Variants in LRRTM3 observed in about 807,000 individuals in gnomAD.
LRRTM3 encodes leucine rich repeat transmembrane neuronal 3.
A neutral mutation model predicts 44.7 loss-of-function variants in LRRTM3; 24 were observed. That is an observed-to-expected ratio of 0.54 (90% CI 0.39 to 0.76). The LOEUF (loss-of-function observed/expected upper bound fraction) is 0.76, where lower values mean the gene tolerates loss of function less well. Among genes scored for constraint, LRRTM3 ranks in the 30% least tolerant of loss-of-function variants. The probability of loss-of-function intolerance (pLI) is 0.00; values close to 1 mark genes in which losing one functional copy is unlikely to be tolerated. For synonymous variants in LRRTM3, 277 were observed against 278.7 expected (o/e 0.99, Z 0.06); for missense variants, 587 against 702.2 (o/e 0.84, Z 1.85).
intron 2 of LRRTM3, among the ~76,000 whole-genome samples, chr10:66,950,072 T>C (rs974946038): frequency 1.3e-4 from 20 of 152,196 alleles, no homozygotes; most frequent in African/African-American, 4.8e-4. Context: ...AACCATGATT[T>C]ACCACTCTTT....
chr10:66,928,304 A>G lies in LRRTM3; in HGVS notation c.1388A>G (p.Lys463Arg), dbSNP rs1354095647. Residue 463 changes from lysine (K) to arginine (R), a missense_variant, in exon 2 of 3, where the codon AAA becomes AGA. Physicochemically the swap from Lys to Arg is conservative, Grantham distance 26. Coordinates refer to ENST00000361320, the MANE Select transcript of LRRTM3 (RefSeq NM_178011.5). ...CGCTCCCTCATGCGAAGGCACAGGA[A>G]AAAGAAAAGACAGTCCCTAAAGCAA... Reference protein sequence around the residue: ...QQRSLMRRHRKKKRQSLKQMT... With the variant: ...QQRSLMRRHRRKKRQSLKQMT... The G allele has an allele frequency of 1.9e-6, 3 of 1,614,052 alleles. No homozygotes were observed. The highest frequency in any genetic ancestry group is 2.7e-5 in the African/African-American group (2 of 74,940).
At chr10:66,952,867 G>A (rs549051340) in intron 2 of LRRTM3, among the ~76,000 whole-genome samples, 11 of 151,992 alleles carry the variant, frequency 7.2e-5, no homozygotes, top group Non-Finnish European at 1.2e-4. Context: ...ACAAAAACAG[G>A]TTCTTCCCTG....
intron 2 of LRRTM3, among the ~76,000 whole-genome samples, chr10:67,015,855 A>G (rs138915472): frequency 3.5e-4 from 53 of 151,640 alleles, no homozygotes; most frequent in African/African-American, 1.2e-3. Flanking sequence ...TACACATTTC[A>G]TTTTGTCAGA....
intron 2 of LRRTM3, among the ~76,000 whole-genome samples, chr10:66,959,463 G>A (rs375150894): frequency 9.2e-5 from 14 of 152,100 alleles, no homozygotes; most frequent in Middle Eastern, 6.8e-3. Flanking sequence ...GCGGCAATTG[G>A]GCCAAGAGAA....
chr10:67,049,975 T>G (rs773150251), intron 2 of LRRTM3, among the ~76,000 whole-genome samples: 2 of 152,228 alleles, frequency 1.3e-5, no homozygotes, highest in Non-Finnish European at 2.9e-5. Context: ...TCATAACTTA[T>G]CTTTAAATGT....
chr10:66,981,470 A>AT (rs1184134678), intron 2 of LRRTM3, among the ~76,000 whole-genome samples: 4 of 151,642 alleles, frequency 2.6e-5, no homozygotes, highest in Admixed American at 6.6e-5. Context: ...ATTTCCATTT[A>AT]TTTTTTTTGG....
intron 2 of LRRTM3, among the ~76,000 whole-genome samples, chr10:67,018,348 A>C (rs1852788872): frequency 6.6e-6 from 1 of 152,058 alleles, no homozygotes; most frequent in Non-Finnish European, 1.5e-5. Flanking sequence ...GATTTTCTTC[A>C]CCCAACTTTT....
At chr10:67,008,541 T>C (rs1852139462) in intron 2 of LRRTM3, among the ~76,000 whole-genome samples, 1 of 152,190 alleles carries the variant, frequency 6.6e-6, no homozygotes, top group Non-Finnish European at 1.5e-5. Flanking sequence ...TGTTCATAAT[T>C]GTGTGAGTTA....
chr10:67,100,539 A>G lies in LRRTM3; in HGVS notation c.*2743A>G, dbSNP rs1330728838. On this transcript the variant is annotated 3_prime_UTR_variant, in exon 3 of 3. Coordinates refer to ENST00000361320, the MANE Select transcript of LRRTM3 (RefSeq NM_178011.5). ...GCATTTCTAACCTATCTTTTCCAGC[A>G]TTTGATAATCTCCCATTTCCTCCTT... Among the ~76,000 whole-genome samples, 1 of 151,710 alleles carries G rather than the reference A, an allele frequency of 6.6e-6. No individual in the cohort carries two copies. Among genetic ancestry groups the G allele is most frequent in the Non-Finnish European group, 1.5e-5 (1 of 67,802 alleles).
At chr10:67,033,157 C>T (rs1925627) in intron 2 of LRRTM3, among the ~76,000 whole-genome samples, 64,390 of 152,034 alleles carry the variant, frequency 0.42, 14,134 homozygotes, top group Middle Eastern at 0.62. Context: ...TTTTAGAGAT[C>T]ATTGCTTTCA....
At chr10:66,957,912 A>G (rs182687477) in intron 2 of LRRTM3, among the ~76,000 whole-genome samples, 3 of 152,060 alleles carry the variant, frequency 2.0e-5, no homozygotes, top group Admixed American at 2.0e-4. Context: ...ACGCATATGA[A>G]CCCTACATAT....
At position 66,927,352 on chromosome 10, in the gene LRRTM3, C is replaced by A. The variant is rs1436744091; in HGVS notation, c.436C>A (p.His146Asn). Residue 146 changes from histidine to asparagine, a missense_variant, in exon 2 of 3, where the codon CAT becomes AAT. By Grantham distance (68) the His-to-Asn change is moderately conservative (BLOSUM62 1). Around this residue, in one of 3 missense-constraint regions of LRRTM3, gnomAD observed 222 missense variants for 323.3 expected, o/e 0.69. Transcript: ENST00000361320. This position sits in a 1 kb window ranked among gnomAD's most constrained non-coding sequence, Gnocchi z 4.7. The stretch of plus-strand genomic sequence containing the variant: ...CTTGGATCTGTCCTATAATCAGCTG[C>A]ATTCTCTGGGATCTGAACAGTTTCG... Reference protein sequence around the residue: ...RNLDLSYNQLHSLGSEQFRGL... With the variant: ...RNLDLSYNQLNSLGSEQFRGL... 3 of 1,614,088 alleles carry A rather than the reference C, an allele frequency of 1.9e-6. No individual in the cohort carries two copies. In the Admixed American group the frequency reaches 5.0e-5, roughly 27 times the overall value.
rs1244547911 is a variant in LRRTM3 at position 66,928,356 on chromosome 10, T to C, written c.1440T>C (p.Tyr480=). 1.2e-6 allele frequency: 2 copies of C among 1,614,186 alleles called. No individual in the cohort carries two copies. The highest frequency in any genetic ancestry group is 1.7e-6 in the Non-Finnish European group (2 of 1,180,050). Residue 480 remains tyrosine, a synonymous_variant, in exon 2 of 3, where the codon TAT becomes TAC. Coordinates refer to ENST00000361320, the MANE Select transcript of LRRTM3 (RefSeq NM_178011.5). Reference sequence around the variant, plus strand: ...TGACTCCCAGCACCCAGGAATTTTATGTAGATTATAAACCCACCAACACGG... The same window carrying C: ...TGACTCCCAGCACCCAGGAATTTTACGTAGATTATAAACCCACCAACACGG... ...KQMTPSTQEF[Y]VDYKPTNTET...
In LRRTM3 at chr10:66,927,794, T is replaced by C. The variant is rs1363394648; in HGVS notation, c.878T>C (p.Ile293Thr). 1 of 1,614,208 alleles carries C rather than the reference T, an allele frequency of 6.2e-7. No individual in the cohort carries two copies. The highest frequency in any genetic ancestry group is 8.5e-7 in the Non-Finnish European group (1 of 1,180,042). Residue 293 changes from isoleucine (I) to threonine (T), a missense_variant, in exon 2 of 3, where the codon ATT (isoleucine) becomes ACT (threonine). Ile to Thr is a moderately conservative substitution (Grantham distance 89). Coordinates refer to ENST00000361320, the MANE Select transcript of LRRTM3 (RefSeq NM_178011.5). This position sits in a 1 kb window ranked among gnomAD's most constrained non-coding sequence, Gnocchi z 4.7. ...CTGGATTCCAACAAGCTCACATTTA[T>C]TGGTCAAGAGATTTTGGATTCTTGG... ...LNLDSNKLTF[I>T]GQEILDSWIS...
intron 2 of LRRTM3, among the ~76,000 whole-genome samples, chr10:67,088,140 G>C (rs970485714): frequency 1.1e-4 from 16 of 151,424 alleles, no homozygotes; most frequent in Non-Finnish European, 2.1e-4. Flanking sequence ...ATGCCAAATG[G>C]GGAGATAAGA....
At chr10:67,060,305 C>T (rs889738245) in intron 2 of LRRTM3, among the ~76,000 whole-genome samples, 5 of 152,130 alleles carry the variant, frequency 3.3e-5, no homozygotes, top group African/African-American at 9.6e-5. Context: ...TGACAGAGAC[C>T]TTGTCTCAAA....
chr10:67,029,357 T>C (rs1853581056), intron 2 of LRRTM3, among the ~76,000 whole-genome samples: 2 of 152,192 alleles, frequency 1.3e-5, no homozygotes, highest in Admixed American at 6.5e-5. Context: ...ATGGATATTT[T>C]GGAGCTGGTT....
chr10:66,963,280 T>G (rs1279596257), intron 2 of LRRTM3, among the ~76,000 whole-genome samples: 1 of 152,198 alleles, frequency 6.6e-6, no homozygotes, highest in African/African-American at 2.4e-5. Context: ...GACTTTTAGC[T>G]TTGAACTCCA....
At chr10:66,951,001 T>C (rs1483735465) in intron 2 of LRRTM3, among the ~76,000 whole-genome samples, 2 of 152,172 alleles carry the variant, frequency 1.3e-5, no homozygotes, top group East Asian at 1.9e-4. Context: ...ATAGATGGTA[T>C]GCTTATTTAA....
Sources: gnomAD v4.1 joint callset for allele counts (sites outside exome capture counted in the v4.1 genomes callset) on GRCh38, gnomAD v4.1.1 for gene constraint, gnomAD v4.1.1 regional missense constraint, Gnocchi (gnomAD v3.1) non-coding constraint, MANE v1.5 for transcripts, NCBI Gene and HGNC (gene_info 2026-07-23, HGNC 2026-07-21) for gene names.